Variants in FRA10AC1 observed in about 807,000 individuals in gnomAD.
FRA10AC1 encodes the protein protein FRA10AC1.
In FRA10AC1, 43 loss-of-function variants were observed where a neutral mutation model predicts 56.5. The observed-to-expected ratio is 0.76, with a 90% confidence interval of 0.60 to 0.98. The LOEUF (loss-of-function observed/expected upper bound fraction) is 0.98, where lower values mean the gene tolerates loss of function less well. Among genes scored for constraint, FRA10AC1 ranks in the 50% least tolerant of loss-of-function variants. The probability of loss-of-function intolerance (pLI) is 0.00; values close to 1 mark genes in which losing one functional copy is unlikely to be tolerated. For synonymous variants in FRA10AC1, 112 were observed against 110.5 expected (o/e 1.01, Z -0.09); for missense variants, 346 against 351.8 (o/e 0.98, Z 0.13).
chr10:93,691,986 C>A, intron 7 of FRA10AC1, 23 bp downstream of exon 7: 1 of 1,560,054 alleles, frequency 6.4e-7, no homozygotes, highest in Non-Finnish European at 8.7e-7. Context: ...GAACCTCTTT[C>A]CATAAATATG....
At chr10:93,694,307 C>A (rs939809874) in intron 5 of FRA10AC1, among the ~76,000 whole-genome samples, 1 of 152,010 alleles carries the variant, frequency 6.6e-6, no homozygotes, top group South Asian at 2.1e-4. Flanking sequence ...TCTTTTATCA[C>A]CAGGGTTGTG....
At chr10:93,684,140 C>T in intron 9 of FRA10AC1, 42 bp from the exon 10 acceptor site, 1 of 1,390,012 alleles carries the variant, frequency 7.2e-7, no homozygotes. Context: ...TTTTGAATAA[C>T]CACACTGCTA....
intron 12 of FRA10AC1, chr10:93,675,596 T>C (rs1214106320): frequency 3.5e-6 from 1 of 287,318 alleles, no homozygotes; most frequent in Non-Finnish European, 7.6e-6. Flanking sequence ...TCCCGGCGAC[T>C]TGGGAGGCTG....
At chr10:93,675,364 A>AT (rs1426247906) in intron 12 of FRA10AC1, 3 of 152,148 alleles carry the variant, frequency 2.0e-5, no homozygotes, top group African/African-American at 7.2e-5. Context: ...TGCCACAATA[A>AT]ATATTATTTT....
At chr10:93,683,424 C>T (rs2058969780) in intron 10 of FRA10AC1, among the ~76,000 whole-genome samples, 1 of 151,830 alleles carries the variant, frequency 6.6e-6, no homozygotes, top group Non-Finnish European at 1.5e-5. Context: ...AATCTTGGCT[C>T]ACTGCAACCT....
chr10:93,686,433 G>A (rs2059029200), intron 8 of FRA10AC1, among the ~76,000 whole-genome samples: 1 of 151,632 alleles, frequency 6.6e-6, no homozygotes, highest in Non-Finnish European at 1.5e-5. Flanking sequence ...TTAAAAGGTA[G>A]CATTATAAAC....
chr10:93,678,234 A>G (rs569095285), intron 11 of FRA10AC1, among the ~76,000 whole-genome samples: 1 of 152,318 alleles, frequency 6.6e-6, no homozygotes, highest in South Asian at 2.1e-4. Context: ...GGTGAGACAG[A>G]TAAGATTCTG....
At chr10:93,674,251 T>C (rs1338780628) in intron 12 of FRA10AC1, 1 of 152,218 alleles carries the variant, frequency 6.6e-6, no homozygotes, top group Non-Finnish European at 1.5e-5. Context: ...TAAGATTAAA[T>C]GAGGTAACAT....
At chr10:93,681,645 C>A (rs1439501709) in intron 10 of FRA10AC1, 47 bp from the exon 11 acceptor site, 2 of 1,409,528 alleles carry the variant, frequency 1.4e-6, no homozygotes, top group Non-Finnish European at 1.9e-6. Context: ...TCCAACTGAC[C>A]TTTTCAAAAA....
chr10:93,674,391 G>A (rs955115127), intron 12 of FRA10AC1: 5 of 152,212 alleles, frequency 3.3e-5, no homozygotes, highest in Non-Finnish European at 7.3e-5. Context: ...AGAGCAAAAT[G>A]TGAGGTCTGA....
chr10:93,694,812 A>C (rs770411896), intron 5 of FRA10AC1, 49 bp downstream of exon 5: 1 of 1,040,892 alleles, frequency 9.6e-7, no homozygotes, highest in Admixed American at 1.8e-5. Context: ...GGGTCTTTAA[A>C]GTTTCCCATA....
In FRA10AC1 at chr10:93,698,321, A is replaced by T; in HGVS notation, c.153T>A (p.Val51=). ...EKHGKVAHKQ[V]AAELLDREEA... is the part of the protein sequence containing the mutation. ...CATACCTATCCAGCAATTCTGCTGC[A>T]ACTTGTTTATGGGCCACCTTTCCAT... Residue 51 remains valine, a synonymous_variant, in exon 3 of 14, where the codon GTT becomes GTA. Transcript: ENST00000359204. 1 of 1,611,108 alleles carries T rather than the reference A, an allele frequency of 6.2e-7. No individual in the cohort carries two copies. The highest frequency in any genetic ancestry group is 1.1e-5 in the South Asian group (1 of 90,638).
intron 4 of FRA10AC1, among the ~76,000 whole-genome samples, chr10:93,695,317 T>G (rs955064803): frequency 1.3e-4 from 19 of 151,914 alleles, no homozygotes; most frequent in African/African-American, 4.6e-4. Context: ...GTAGAGAATT[T>G]ATCTTTCATT....
chr10:93,680,116 T>G (rs1300178560), intron 11 of FRA10AC1, among the ~76,000 whole-genome samples: 1 of 152,158 alleles, frequency 6.6e-6, no homozygotes, highest in Non-Finnish European at 1.5e-5. Context: ...TTGTACTGAG[T>G]AACATTTTAT....
intron 12 of FRA10AC1, chr10:93,672,351 T>G (rs1310143859): frequency 1.3e-5 from 2 of 155,768 alleles, no homozygotes; most frequent in Non-Finnish European, 2.8e-5. Flanking sequence ...ATTTTAATCT[T>G]GAAAACAAGA....
intron 9 of FRA10AC1, 49 bp downstream of exon 9, chr10:93,685,197 A>G: frequency 1.2e-6 from 1 of 834,430 alleles, no homozygotes; most frequent in Non-Finnish European, 2.0e-6. Flanking sequence ...TTTTTAAATT[A>G]AAGACAAACT....
chr10:93,684,116 C>G lies in FRA10AC1; in HGVS notation c.626-18G>C. ...GCATAACCCTAAAAAGAAAAGACAC[C>G]ACTGAATGGCTGATTTTGAATAACC... On this transcript the variant is annotated intron_variant, in intron 9 of 13. Transcript: ENST00000359204. The G allele has an allele frequency of 1.9e-6, 3 of 1,588,480 alleles. No individual in the cohort carries two copies. Among genetic ancestry groups the G allele is most frequent in the Non-Finnish European group, 2.6e-6 (3 of 1,160,300 alleles).
intron 4 of FRA10AC1, among the ~76,000 whole-genome samples, chr10:93,697,885 G>T (rs1279768181): frequency 6.6e-6 from 1 of 152,090 alleles, no homozygotes; most frequent in East Asian, 1.9e-4. Context: ...TATATTTGCA[G>T]ATTCATGTAC....
intron 5 of FRA10AC1, 25 bp from the exon 6 acceptor site, chr10:93,692,754 T>C (rs1371137984): frequency 1.3e-6 from 2 of 1,499,108 alleles, no homozygotes; most frequent in African/African-American, 1.4e-5. Context: ...TTTTTCAATT[T>C]AATACAAAAA....
Sources: allele counts gnomAD v4.1 joint callset (sites outside exome capture counted in the v4.1 genomes callset), GRCh38; gene constraint gnomAD v4.1.1; transcripts MANE v1.5; gene names NCBI Gene and HGNC (gene_info 2026-07-23, HGNC 2026-07-21).